SGCD: variants seen among roughly 807,000 people sequenced by gnomAD.
SGCD encodes sarcoglycan delta.
A neutral mutation model predicts 36.6 loss-of-function variants in SGCD; 18 were observed. The observed-to-expected ratio is 0.49, with a 90% confidence interval of 0.34 to 0.73. The LOEUF (loss-of-function observed/expected upper bound fraction) is 0.73. Ranked by LOEUF, SGCD falls within the 30% of genes least tolerant of loss-of-function variation. The pLI, the probability that SGCD is intolerant of heterozygous loss-of-function variation, is 0.01. For synonymous variants in SGCD, 133 were observed against 130.6 expected, an observed-to-expected ratio of 1.02 and a Z score of -0.12; for missense variants, 387 against 346.7, an observed-to-expected ratio of 1.12 and a Z score of -0.92.
intron 3 of SGCD, among the ~76,000 whole-genome samples, chr5:156,384,705 CA>C (rs1357279899): frequency 6.6e-6 from 1 of 152,086 alleles, no homozygotes; most frequent in Non-Finnish European, 1.5e-5. Context: ...TCAATGGTAT[CA>C]GATGTGATTT....
the SGCD span, among the ~76,000 whole-genome samples, chr5:155,854,247 C>G: frequency 2.6e-5 from 4 of 152,200 alleles, no homozygotes; most frequent in South Asian, 8.3e-4. Flanking sequence ...GCCAGAAGCA[C>G]CTTTTTTTCC....
the SGCD span, among the ~76,000 whole-genome samples, chr5:155,788,319 G>A: frequency 0.083 from 12,552 of 152,078 alleles, 695 homozygotes; most frequent in African/African-American, 0.15. Flanking sequence ...GATTTTAAAC[G>A]TTAAAAATGT....
At chr5:156,462,350 C>G (rs1754523569) in intron 3 of SGCD, among the ~76,000 whole-genome samples, 1 of 152,114 alleles carries the variant, frequency 6.6e-6, no homozygotes, top group African/African-American at 2.4e-5. Flanking sequence ...GACACCTATT[C>G]CTACTTAAGA....
At chr5:156,151,085 A>C (rs1237868301) in intron 3 of SGCD, among the ~76,000 whole-genome samples, 1 of 151,758 alleles carries the variant, frequency 6.6e-6, no homozygotes. Context: ...CATTAATATA[A>C]ATCTAGATAC....
At chr5:155,738,013 G>A in the SGCD span, among the ~76,000 whole-genome samples, 3 of 152,068 alleles carry the variant, frequency 2.0e-5, no homozygotes, top group Non-Finnish European at 4.4e-5. Context: ...CTGGACGAGG[G>A]AAGAAGCATT....
intron 3 of SGCD, among the ~76,000 whole-genome samples, chr5:156,306,262 G>A (rs1336341287): frequency 6.6e-6 from 1 of 152,170 alleles, no homozygotes; most frequent in African/African-American, 2.4e-5. Flanking sequence ...AATCATGGGG[G>A]CAGGTCTTTC....
chr5:155,917,514 A>G (rs1369782244), intron 1 of SGCD, among the ~76,000 whole-genome samples: 4 of 152,228 alleles, frequency 2.6e-5, no homozygotes, highest in African/African-American at 7.2e-5. Context: ...ATTGACAAAT[A>G]AAGAATATGT....
chr5:155,815,936 C>T, the SGCD span, among the ~76,000 whole-genome samples: 4 of 152,020 alleles, frequency 2.6e-5, no homozygotes, highest in African/African-American at 7.2e-5. Context: ...TACTGGTGGT[C>T]GTATTTACAA....
At chr5:155,806,301 C>T in the SGCD span, among the ~76,000 whole-genome samples, 12 of 152,062 alleles carry the variant, frequency 7.9e-5, no homozygotes, top group Non-Finnish European at 1.8e-4. Flanking sequence ...ATTACAGGCA[C>T]CCGCCACCAT....
chr5:156,112,006 C>G (rs976157329), intron 1 of SGCD, among the ~76,000 whole-genome samples: 13 of 152,154 alleles, frequency 8.5e-5, no homozygotes, highest in African/African-American at 3.1e-4. Context: ...TCTCGAACTC[C>G]TGACCTCAAG....
chr5:155,865,254 A>G, the SGCD span, among the ~76,000 whole-genome samples: 2 of 146,936 alleles, frequency 1.4e-5, no homozygotes, highest in African/African-American at 4.8e-5. Context: ...ATTTTATAAA[A>G]ATACTATAAT....
intron 1 of SGCD, among the ~76,000 whole-genome samples, chr5:156,101,951 A>G: frequency 7.7e-6 from 1 of 130,012 alleles, no homozygotes; most frequent in East Asian, 2.3e-4. Context: ...TGAGAGAGAG[A>G]GAGAGAGAGA....
chr5:156,234,813 T>C (rs1298596046), intron 3 of SGCD, among the ~76,000 whole-genome samples: 3 of 152,128 alleles, frequency 2.0e-5, no homozygotes, highest in African/African-American at 7.2e-5. Context: ...GGGATCTGAG[T>C]ATAATGCCAA....
At chr5:156,047,764 C>G (rs892157856) in intron 1 of SGCD, among the ~76,000 whole-genome samples, 2 of 152,008 alleles carry the variant, frequency 1.3e-5, no homozygotes, top group African/African-American at 2.4e-5. Flanking sequence ...CTGATACAAC[C>G]TTCATTCTCC....
At chr5:156,733,298 T>A (rs1756175715) in intron 7 of SGCD, among the ~76,000 whole-genome samples, 1 of 152,180 alleles carries the variant, frequency 6.6e-6, no homozygotes, top group Non-Finnish European at 1.5e-5. Context: ...CTTAATTTCA[T>A]TATTTACCCA....
the SGCD span, among the ~76,000 whole-genome samples, chr5:155,780,530 G>T: frequency 2.0e-5 from 3 of 152,138 alleles, no homozygotes; most frequent in Admixed American, 2.0e-4. Flanking sequence ...TCCATCTGGT[G>T]CCTTCACGAC....
intron 3 of SGCD, among the ~76,000 whole-genome samples, chr5:156,396,675 G>A (rs1026342253): frequency 6.6e-6 from 1 of 152,140 alleles, no homozygotes; most frequent in Non-Finnish European, 1.5e-5. Flanking sequence ...GTTTCAAGAG[G>A]CAGGCATGTG....
intron 7 of SGCD, among the ~76,000 whole-genome samples, chr5:156,677,098 G>T (rs184430925): frequency 1.3e-5 from 2 of 152,342 alleles, no homozygotes; most frequent in East Asian, 1.9e-4. Flanking sequence ...TTCCAGATGA[G>T]GAGTCAAAGA....
intron 7 of SGCD, among the ~76,000 whole-genome samples, chr5:156,685,527 G>A (rs1462098978): frequency 6.6e-6 from 1 of 152,190 alleles, no homozygotes; most frequent in African/African-American, 2.4e-5. Flanking sequence ...CAGCAATCCT[G>A]ATGAGCATCT....
Sources: gnomAD v4.1 joint callset for allele counts (sites outside exome capture counted in the v4.1 genomes callset) on GRCh38, gnomAD v4.1.1 for gene constraint, MANE v1.5 for transcripts, NCBI Gene and HGNC (gene_info 2026-07-23, HGNC 2026-07-21) for gene names.